Variants in NGEF observed in about 807,000 individuals in gnomAD.
NGEF encodes the protein ephexin-1.
A neutral mutation model predicts 80.9 loss-of-function variants in NGEF; 31 were observed. The ratio of observed to expected loss-of-function variants is 0.38; its 90% CI spans 0.29 to 0.52. The LOEUF is 0.52. Ranked by LOEUF, NGEF falls within the 20% of genes least tolerant of loss-of-function variation. The pLI, the probability that NGEF is intolerant of heterozygous loss-of-function variation, is 0.84. For synonymous variants in NGEF, 371 were observed against 370.2 expected, an observed-to-expected ratio of 1.00 and a Z score of -0.03; for missense variants, 709 against 926.2, an observed-to-expected ratio of 0.77 and a Z score of 3.04.
chr2:232,990,346 A>G (rs914231683), intron 1 of NGEF, among the ~76,000 whole-genome samples: 2 of 152,184 alleles, frequency 1.3e-5, no homozygotes, highest in African/African-American at 4.8e-5. Context: ...ATATAAAGGA[A>G]CAACTTGAGA....
At position 232,995,407 on chromosome 2, in the gene NGEF, T is replaced by C. The variant is rs370847745; in HGVS notation, c.-75+17661A>G. Among the ~76,000 whole-genome samples the C allele has an allele frequency of 9.5e-3, 95 of 9,964 alleles. 45 individuals are homozygous for C. The highest frequency in any genetic ancestry group is 0.091 in the African/African-American group (85 of 934). 6.5% of individuals were successfully genotyped at this position (9,964 alleles called of 152,430 possible). ...ATGTATACTGTATACTGTATATATA[T>C]ACACAGTATGTATACTGTATACTGT... is the stretch of plus-strand genomic sequence containing the variant. On this transcript the variant is annotated intron_variant, in intron 1 of 14. Coordinates refer to ENST00000264051, the MANE Select transcript of NGEF (RefSeq NM_019850.3).
At chr2:232,921,678 T>A (rs146852689) in intron 4 of NGEF, among the ~76,000 whole-genome samples, 321 of 150,724 alleles carry the variant, frequency 2.1e-3, no homozygotes, top group African/African-American at 7.6e-3. Flanking sequence ...CCCAGGCTGG[T>A]CTTGAATTCC....
At chr2:232,907,029 G>C (rs1692577796) in intron 5 of NGEF, among the ~76,000 whole-genome samples, 2 of 151,464 alleles carry the variant, frequency 1.3e-5, no homozygotes, top group Non-Finnish European at 2.9e-5. Flanking sequence ...CAAGTACCCA[G>C]GGACACAAAC....
chr2:232,985,732 G>A (rs1182395901), intron 1 of NGEF, among the ~76,000 whole-genome samples: 1 of 151,942 alleles, frequency 6.6e-6, no homozygotes, highest in South Asian at 2.1e-4. Context: ...CAGCCTAGGC[G>A]ACAGAGACAC....
At chr2:232,906,050 G>GC (rs1387627745) in intron 5 of NGEF, among the ~76,000 whole-genome samples, 1 of 131,780 alleles carries the variant, frequency 7.6e-6, no homozygotes, top group Non-Finnish European at 1.6e-5. Flanking sequence ...CCGGCCAGCC[G>GC]CCCCGTCCGG....
intron 1 of NGEF, among the ~76,000 whole-genome samples, chr2:232,976,716 G>A (rs1000563059): frequency 3.9e-5 from 6 of 152,152 alleles, no homozygotes; most frequent in African/African-American, 9.7e-5. Flanking sequence ...GAGCATTAAC[G>A]TACTCAGAGG....
chr2:233,011,369 C>T (rs1695199358), intron 1 of NGEF, among the ~76,000 whole-genome samples: 1 of 152,076 alleles, frequency 6.6e-6, no homozygotes, highest in Non-Finnish European at 1.5e-5. Context: ...GGGGAAGGGA[C>T]GTCATCTTGG....
chr2:232,883,890 G>C, intron 11 of NGEF, 91 bp downstream of exon 11: 1 of 1,356,962 alleles, frequency 7.4e-7, no homozygotes, highest in Non-Finnish European at 9.9e-7. Context: ...GCTCTGTCCC[G>C]ACACCCCCAA....
chr2:232,937,751 G>C (rs1163726797), intron 3 of NGEF, among the ~76,000 whole-genome samples: 1 of 152,182 alleles, frequency 6.6e-6, no homozygotes, highest in Non-Finnish European at 1.5e-5. Flanking sequence ...ATTAAGTGGA[G>C]CATCAGCTTT....
chr2:232,932,929 C>A (rs1435404320), intron 3 of NGEF, among the ~76,000 whole-genome samples: 1 of 130,598 alleles, frequency 7.7e-6, no homozygotes, highest in Admixed American at 8.3e-5. Context: ...CATGATGAAA[C>A]CCTGTCTCTA....
chr2:232,933,403 C>G (rs1198093257), intron 3 of NGEF, among the ~76,000 whole-genome samples: 5 of 152,122 alleles, frequency 3.3e-5, no homozygotes, highest in African/African-American at 1.2e-4. Flanking sequence ...CTTCCTGTCA[C>G]CCAGTGTGCC....
At chr2:232,969,486 T>TTCCTTCCTTCCTTCCTTCCC (rs1694141530) in intron 3 of NGEF, among the ~76,000 whole-genome samples, 2 of 99,118 alleles carry the variant, frequency 2.0e-5, no homozygotes. Context: ...CCTTCCTTCC[T>TTCCTTCCTTCCTTCCTTCCC]TCCTCCCTCC....
chr2:233,002,719 G>A (rs1695006739), intron 1 of NGEF, among the ~76,000 whole-genome samples: 2 of 152,214 alleles, frequency 1.3e-5, no homozygotes, highest in African/African-American at 4.8e-5. Context: ...TGACGTTCAG[G>A]AAACACTAGA....
chr2:232,941,676 A>T (rs1021689613), intron 3 of NGEF, among the ~76,000 whole-genome samples: 4 of 152,194 alleles, frequency 2.6e-5, no homozygotes, highest in African/African-American at 9.7e-5. Context: ...CAATCCCTTA[A>T]TGCGCATAAA....
chr2:232,891,979 GGCAGGGACA>G (rs1421953097), intron 7 of NGEF, among the ~76,000 whole-genome samples: 2 of 15,024 alleles, frequency 1.3e-4, no homozygotes, highest in Non-Finnish European at 3.1e-4. Flanking sequence ...TGGCAGGGAC[GGCAGGGACA>G]GCAGGGACAG....
At chr2:232,958,745 A>C (rs1236021606) in intron 3 of NGEF, among the ~76,000 whole-genome samples, 1 of 152,198 alleles carries the variant, frequency 6.6e-6, no homozygotes, top group Non-Finnish European at 1.5e-5. Flanking sequence ...ACATATTAAA[A>C]ATTAAAGTTT....
chr2:232,927,221 T>C, intron 3 of NGEF, 35 bp from the exon 4 acceptor site: 1 of 1,523,528 alleles, frequency 6.6e-7, no homozygotes, highest in Non-Finnish European at 8.8e-7. Flanking sequence ...GGCTGGTTAT[T>C]TTTAAGCAAG....
At chr2:232,882,449 A>G (rs1691534937) in intron 12 of NGEF, among the ~76,000 whole-genome samples, 184 bp from the exon 13 acceptor site, 1 of 152,220 alleles carries the variant, frequency 6.6e-6, no homozygotes, top group Admixed American at 6.5e-5. Flanking sequence ...TCTGACACAT[A>G]CAGGAACCCA....
chr2:232,903,847 A>G (rs1262186527), intron 5 of NGEF, among the ~76,000 whole-genome samples: 2 of 152,238 alleles, frequency 1.3e-5, no homozygotes, highest in African/African-American at 4.8e-5. Context: ...GAGGTCCATC[A>G]TATTAAAATC....
Sources: allele counts gnomAD v4.1 joint callset (sites outside exome capture counted in the v4.1 genomes callset), GRCh38; gene constraint gnomAD v4.1.1; transcripts MANE v1.5; gene names NCBI Gene and HGNC (gene_info 2026-07-23, HGNC 2026-07-21).